The following EPAS1 variants were observed in gnomAD, a reference collection of about 807,000 sequenced individuals.
EPAS1 encodes endothelial PAS domain-containing protein 1.
EPAS1 carries 23 observed loss-of-function variants against 87.9 expected under a neutral mutation model. That is an observed-to-expected ratio of 0.26 (90% CI 0.19 to 0.37). The LOEUF is 0.37. EPAS1 is among the 10% of genes least tolerant of loss of function. The pLI is 1.00. For missense variants in EPAS1, 1,138 were observed against 1,120.7 expected (o/e 1.02, Z -0.22); for synonymous variants, 508 against 444.3 (o/e 1.14, Z -1.80).
intron 6 of EPAS1, among the ~76,000 whole-genome samples, chr2:46,366,110 G>C (rs1243730912): frequency 6.6e-6 from 1 of 152,262 alleles, no homozygotes; most frequent in African/African-American, 2.4e-5. Flanking sequence ...GGCATCTGAA[G>C]TCAGGCACCG....
chr2:46,352,972 A>G (rs1684201370), intron 2 of EPAS1, among the ~76,000 whole-genome samples: 1 of 152,238 alleles, frequency 6.6e-6, no homozygotes, highest in African/African-American at 2.4e-5. Flanking sequence ...AAAACAGGAA[A>G]TTTTAAGCAG....
intron 2 of EPAS1, among the ~76,000 whole-genome samples, chr2:46,354,535 T>A (rs1307919963): frequency 6.6e-6 from 1 of 150,998 alleles, no homozygotes; most frequent in East Asian, 1.9e-4. Flanking sequence ...CGAGTCTATA[T>A]TTTTCAGATA....
At chr2:46,318,659 G>A (rs181432036) in intron 1 of EPAS1, among the ~76,000 whole-genome samples, 107 of 152,300 alleles carry the variant, frequency 7.0e-4, no homozygotes, top group African/African-American at 2.0e-3. Flanking sequence ...CGTAAGCTCT[G>A]TGGTTTTTAG....
intron 10 of EPAS1, 95 bp from the exon 11 acceptor site, chr2:46,378,562 T>C: frequency 9.7e-7 from 1 of 1,033,290 alleles, no homozygotes; most frequent in Non-Finnish European, 1.5e-6. Flanking sequence ...GAATTGAACC[T>C]TTGGGTCCAG....
At chr2:46,335,644 C>A (rs1423902210) in intron 1 of EPAS1, 1 of 151,978 alleles carries the variant, frequency 6.6e-6, no homozygotes, top group Non-Finnish European at 1.5e-5. Flanking sequence ...AATTTTAGTT[C>A]GGTGTGGTAG....
At chr2:46,382,674 G>C in intron 15 of EPAS1, 76 bp downstream of exon 15, 2 of 1,575,180 alleles carry the variant, frequency 1.3e-6, no homozygotes, top group East Asian at 2.3e-5. Context: ...TTTTTTTCCA[G>C]CGTCTGCACA....
chr2:46,343,971 C>A (rs146236576), intron 1 of EPAS1, among the ~76,000 whole-genome samples: 25 of 152,324 alleles, frequency 1.6e-4, no homozygotes, highest in African/African-American at 5.3e-4. Flanking sequence ...AGATAGGGAT[C>A]CCCTGTGTGT....
intron 6 of EPAS1, among the ~76,000 whole-genome samples, chr2:46,369,515 C>T (rs1684581379): frequency 6.6e-6 from 1 of 152,190 alleles, no homozygotes; most frequent in African/African-American, 2.4e-5. Flanking sequence ...GAGCCCCTTC[C>T]AGTGGTTCTT....
At chr2:46,321,587 A>G (rs943338754) in intron 1 of EPAS1, among the ~76,000 whole-genome samples, 3 of 151,930 alleles carry the variant, frequency 2.0e-5, no homozygotes, top group African/African-American at 7.3e-5. Flanking sequence ...CAGCCATCCT[A>G]GTGGGTGTGA....
rs535024126 is a variant in EPAS1 at position 46,371,908 on chromosome 2, A to C, written c.886+1975A>C. ...ACAGTATTACCTTTTATCTTGTAGG[A>C]TGGGAAAGCAGAAGAAGCTACTGTC... On this transcript the variant is annotated intron_variant, in intron 7 of 15. Transcript: ENST00000263734. The surrounding 1 kb of genome is among the most constrained non-coding windows in gnomAD (Gnocchi z 4.3). Among the ~76,000 whole-genome samples the C allele has an allele frequency of 9.8e-5, 15 of 152,300 alleles. No individual in the cohort carries two copies. In the South Asian group the frequency reaches 3.1e-3, roughly 32 times the overall value.
Position 46,360,502 on chromosome 2 carries a change from G to GA in EPAS1, c.455-135dup. 1.3e-6 allele frequency: 1 copy of GA among 789,044 alleles called. No individual in the cohort carries two copies. The highest frequency in any genetic ancestry group is 1.4e-5 in the South Asian group (1 of 70,462). The allele number at this position is 789,044 out of a possible 1,614,324, so 48.9% of individuals were successfully genotyped here. On this transcript the variant is annotated intron_variant, in intron 4 of 15. Coordinates refer to ENST00000263734, the MANE Select transcript of EPAS1 (RefSeq NM_001430.5). The surrounding 1 kb of genome is among the most constrained non-coding windows in gnomAD (Gnocchi z 4.5). ...ATGATGGAGCTCAGTGTTGATGGCAGACCACAGGTGCTAAGAGAGCAGATA... is the reference window on the plus strand; with the variant it reads ...ATGATGGAGCTCAGTGTTGATGGCAGAACCACAGGTGCTAAGAGAGCAGATA...
chr2:46,337,467 C>T (rs188675466), intron 1 of EPAS1, among the ~76,000 whole-genome samples: 2 of 152,258 alleles, frequency 1.3e-5, no homozygotes, highest in South Asian at 2.1e-4. Context: ...TGAAGTGGGG[C>T]GGGAAACTGC....
Position 46,356,129 on chromosome 2 carries a change from TCCCACC to T in EPAS1, c.218-18_218-13del. 11 of 1,242,606 alleles carry T rather than the reference TCCCACC, an allele frequency of 8.9e-6. No homozygotes were observed. Among genetic ancestry groups the T allele is most frequent in the Non-Finnish European group, 1.2e-5 (11 of 885,084 alleles). 77.0% of individuals were successfully genotyped at this position (1,242,606 alleles called of 1,614,324 possible). ...TTTCACTCCACATTCATGCAAGCTGTCCCACCCCCCCCCCTTTCCAGTTTGCTCTGA... is the reference window on the plus strand; with the variant it reads ...TTTCACTCCACATTCATGCAAGCTGTCCCCCCCCTTTCCAGTTTGCTCTGA... On this transcript the variant is annotated splice_polypyrimidine_tract_variant and intron_variant, in intron 2 of 15. Coordinates refer to ENST00000263734, the MANE Select transcript of EPAS1 (RefSeq NM_001430.5).
rs1267369961 is a variant in EPAS1, at chr2:46,347,300, T to C, written c.217+237T>C. 1 of 589,182 alleles carries C rather than the reference T, an allele frequency of 1.7e-6. No individual in the cohort carries two copies. The highest frequency in any genetic ancestry group is 1.9e-5 in the African/African-American group (1 of 53,828). The allele number at this position is 589,182 out of a possible 1,614,324, so 36.5% of individuals were successfully genotyped here. A position where few individuals can be genotyped will look rare whatever the true frequency, so the allele number is the denominator to read the frequency against. Reference sequence around the variant, plus strand: ...GCAGGGACAGGACCAGGGAAGAACATGGGCACCCAGAGGCTGTGGAGAACA... The same window carrying C: ...GCAGGGACAGGACCAGGGAAGAACACGGGCACCCAGAGGCTGTGGAGAACA... On this transcript the variant is annotated intron_variant, in intron 2 of 15. Coordinates refer to ENST00000263734, the MANE Select transcript of EPAS1 (RefSeq NM_001430.5). This position sits in a 1 kb window ranked among gnomAD's most constrained non-coding sequence, Gnocchi z 4.2.
At position 46,345,625 on chromosome 2, in the gene EPAS1, G is replaced by A. The variant is rs61072215; in HGVS notation, c.27-1248G>A. Reference sequence around the variant, plus strand: ...AATGCCTACTTCCAAGGGCAGTTGTGTGAGTTTAAATAAGCCAAGGTAGTA... The same window carrying A: ...AATGCCTACTTCCAAGGGCAGTTGTATGAGTTTAAATAAGCCAAGGTAGTA... On this transcript the variant is annotated intron_variant, in intron 1 of 15. Coordinates refer to ENST00000263734, the MANE Select transcript of EPAS1 (RefSeq NM_001430.5). Among the ~76,000 whole-genome samples, 555 of 152,244 alleles carry A rather than the reference G, an allele frequency of 3.6e-3. 4 individuals are homozygous for A. The highest frequency in any genetic ancestry group is 0.013 in the African/African-American group (523 of 41,520).
Position 46,371,783 on chromosome 2 carries a change from C to T in EPAS1, c.886+1850C>T, listed in dbSNP as rs1351652682. ...GGCCTGGATTTCTGGACCTTCCTGA[C>T]TTTAGATGTAAAACTGGGGAAAAGT... is the stretch of plus-strand genomic sequence containing the variant. On this transcript the variant is annotated intron_variant, in intron 7 of 15. Transcript: ENST00000263734. This position sits in a 1 kb window ranked among gnomAD's most constrained non-coding sequence, Gnocchi z 4.3. Among the ~76,000 whole-genome samples, 1 of 152,198 alleles carries T rather than the reference C, an allele frequency of 6.6e-6. No individual in the cohort carries two copies. Among genetic ancestry groups the T allele is most frequent in the Non-Finnish European group, 1.5e-5 (1 of 68,038 alleles).
intron 1 of EPAS1, among the ~76,000 whole-genome samples, chr2:46,341,947 A>G (rs1217348273): frequency 6.6e-6 from 1 of 152,132 alleles, no homozygotes; most frequent in Non-Finnish European, 1.5e-5. Context: ...TTGCATCTCC[A>G]AAAACATTTA....
chr2:46,356,622 G>A, intron 3 of EPAS1, 102 bp from the exon 4 acceptor site: 1 of 941,540 alleles, frequency 1.1e-6, no homozygotes, highest in South Asian at 1.3e-5. Context: ...ACCCAATTCA[G>A]TCTCCTCCCT....
intron 1 of EPAS1, among the ~76,000 whole-genome samples, chr2:46,304,642 A>G (rs1046277097): frequency 1.3e-5 from 2 of 152,144 alleles, no homozygotes; most frequent in Non-Finnish European, 2.9e-5. Context: ...CCCTGACAAG[A>G]GGTGGTTCTC....
Sources: gnomAD v4.1 joint callset for allele counts (sites outside exome capture counted in the v4.1 genomes callset) on GRCh38, gnomAD v4.1.1 for gene constraint, Gnocchi (gnomAD v3.1) non-coding constraint, MANE v1.5 for transcripts, NCBI Gene and HGNC (gene_info 2026-07-23, HGNC 2026-07-21) for gene names.